The following RPH3AL variants were observed in gnomAD, a reference collection of about 807,000 sequenced individuals.
The protein encoded by RPH3AL is rab effector Noc2.
Under a neutral mutation model 43.1 loss-of-function variants are expected in RPH3AL, and 38 were observed. The ratio of observed to expected loss-of-function variants is 0.88; its 90% CI spans 0.68 to 1.15. The LOEUF (loss-of-function observed/expected upper bound fraction) is 1.15, where lower values mean the gene tolerates loss of function less well. Among genes scored for constraint, RPH3AL ranks in the 50% most tolerant of loss-of-function variants. The pLI, the probability that RPH3AL is intolerant of heterozygous loss-of-function variation, is 0.00. For synonymous variants in RPH3AL, 189 were observed against 176.3 expected, an observed-to-expected ratio of 1.07 and a Z score of -0.57; for missense variants, 462 against 423.2, an observed-to-expected ratio of 1.09 and a Z score of -0.81.
chr17:243,625 T>G (rs1383712001), intron 7 of RPH3AL, among the ~76,000 whole-genome samples: 3 of 142,252 alleles, frequency 2.1e-5, no homozygotes, highest in Non-Finnish European at 4.6e-5. Context: ...CCTTCCTCTA[T>G]TGATTACCCT....
intron 1 of RPH3AL, among the ~76,000 whole-genome samples, chr17:338,168 G>T (rs1437639342): frequency 6.6e-6 from 1 of 152,148 alleles, no homozygotes; most frequent in Non-Finnish European, 1.5e-5. Context: ...GGTGGTGACA[G>T]CAGGGAAACC....
chr17:335,533 G>A (rs1038923809), intron 1 of RPH3AL, among the ~76,000 whole-genome samples: 15 of 152,262 alleles, frequency 9.9e-5, no homozygotes, highest in African/African-American at 3.4e-4. Flanking sequence ...ATAAATGGTG[G>A]TCGTGAGCCC....
In RPH3AL at chr17:304,939, G is replaced by C. The variant is rs1191222690; in HGVS notation, c.351+14481C>G. On this transcript the variant is annotated intron_variant, in intron 5 of 9. Coordinates refer to ENST00000331302, the MANE Select transcript of RPH3AL (RefSeq NM_006987.4). ...CAAGAGAGGCACAGGGCGAGAGGGGGACAGGGCGAGAGGGGGACAGGGCGA... is the reference window on the plus strand; with the variant it reads ...CAAGAGAGGCACAGGGCGAGAGGGGCACAGGGCGAGAGGGGGACAGGGCGA... Among the ~76,000 whole-genome samples the C allele has an allele frequency of 1.5e-4, 11 of 71,142 alleles. 1 individual carries two copies. The highest frequency in any genetic ancestry group is 3.7e-4 in the African/African-American group (8 of 21,586). The allele number at this position is 71,142 out of a possible 152,430, so 46.7% of individuals were successfully genotyped here. A position where few individuals can be genotyped will look rare whatever the true frequency, so the allele number is the denominator to read the frequency against.
chr17:230,277 C>T (rs1309847040), intron 7 of RPH3AL, among the ~76,000 whole-genome samples: 4 of 152,150 alleles, frequency 2.6e-5, no homozygotes, highest in Admixed American at 6.5e-5. Flanking sequence ...ATCCTCAAAT[C>T]GATAGAGATG....
chr17:343,767 C>T (rs1205397884), intron 1 of RPH3AL, among the ~76,000 whole-genome samples: 2 of 152,178 alleles, frequency 1.3e-5, no homozygotes, highest in African/African-American at 4.8e-5. Flanking sequence ...TGCTAAACAT[C>T]CCTGAGGCAC....
At chr17:271,029 G>A (rs1368573497) in intron 6 of RPH3AL, among the ~76,000 whole-genome samples, 1 of 152,192 alleles carries the variant, frequency 6.6e-6, no homozygotes. Context: ...TTATTAAATA[G>A]GGAATCCTTT....
At chr17:292,769 G>A (rs540575422) in intron 5 of RPH3AL, among the ~76,000 whole-genome samples, 38 of 152,264 alleles carry the variant, frequency 2.5e-4, no homozygotes, top group African/African-American at 8.9e-4. Flanking sequence ...AAGTGGGAGG[G>A]GCACAGCCAG....
Position 219,667 on chromosome 17 carries a change from G to A in RPH3AL, c.683C>T (p.Thr228Ile), listed in dbSNP as rs2040907205. 1 of 1,613,540 alleles carries A rather than the reference G, an allele frequency of 6.2e-7. No individual in the cohort carries two copies. The highest frequency in any genetic ancestry group is 1.7e-5 in the Admixed American group (1 of 59,952). The stretch of plus-strand genomic sequence containing the variant: ...GTCGCCTTTCCGGTCCCTGACCCCA[G>A]TGGATGGGAGTCTGTCCTCTAGGCT... ...SSSLEDRLPS[T>I]GVRDRKGDKP... The change falls in exon 8 of 10, where the codon ACT becomes ATT. Residue 228 changes from threonine (T) to isoleucine (I), a missense_variant. Coordinates refer to ENST00000331302, the MANE Select transcript of RPH3AL (RefSeq NM_006987.4).
chr17:249,676 C>CA (rs35942725), intron 6 of RPH3AL, among the ~76,000 whole-genome samples: 15,973 of 90,188 alleles, frequency 0.18, 1,097 homozygotes, highest in Non-Finnish European at 0.22. Flanking sequence ...AGAGTCAAGC[C>CA]AAAAAAAAAA....
intron 2 of RPH3AL, chr17:332,841 A>G (rs1413248139): frequency 9.6e-6 from 4 of 417,832 alleles, no homozygotes. Flanking sequence ...ACACACGCTG[A>G]GCAGAGGCAG....
intron 4 of RPH3AL, 119 bp downstream of exon 4, chr17:321,153 C>T: frequency 1.6e-6 from 2 of 1,282,384 alleles, no homozygotes; most frequent in Non-Finnish European, 1.1e-6. Flanking sequence ...GGGACCTCCT[C>T]ACCCACTCCC....
intron 1 of RPH3AL, among the ~76,000 whole-genome samples, chr17:334,229 C>T (rs1481460748): frequency 6.6e-6 from 1 of 152,246 alleles, no homozygotes; most frequent in Non-Finnish European, 1.5e-5. Flanking sequence ...AGGAGAACCG[C>T]GGCTCGACCC....
Position 281,855 on chromosome 17 carries a change from C to G in RPH3AL, c.352-1G>C. ...CGATCCCACATTTGGTGCAGACTTT[C>G]TACAAGAGAGAGGACATGGGGTTGT... On this transcript the variant is annotated splice_acceptor_variant, in intron 5 of 9. Coordinates refer to ENST00000331302, the MANE Select transcript of RPH3AL (RefSeq NM_006987.4). LOFTEE classifies it high-confidence loss of function. The G allele has an allele frequency of 1.2e-6, 2 of 1,613,382 alleles. No homozygotes were observed.
chr17:315,949 T>C (rs2044129671), intron 5 of RPH3AL, among the ~76,000 whole-genome samples: 2 of 148,702 alleles, frequency 1.3e-5, no homozygotes, highest in Admixed American at 6.6e-5. Context: ...CATTGACCTG[T>C]AGTCCCTGTG....
intron 5 of RPH3AL, among the ~76,000 whole-genome samples, chr17:293,897 T>C (rs146133688): frequency 0.029 from 4,453 of 152,064 alleles, 222 homozygotes; most frequent in African/African-American, 0.1. Context: ...GGCGCGGTGG[T>C]ACTCACCCGG....
chr17:337,057 G>A (rs1255619461), intron 1 of RPH3AL, among the ~76,000 whole-genome samples: 1 of 152,150 alleles, frequency 6.6e-6, no homozygotes, highest in Non-Finnish European at 1.5e-5. Flanking sequence ...CCCCTTCAGG[G>A]GACTAATTTA....
intron 6 of RPH3AL, among the ~76,000 whole-genome samples, chr17:250,911 C>T (rs2041888276): frequency 6.6e-6 from 1 of 152,198 alleles, no homozygotes. Flanking sequence ...GCCATCGCTG[C>T]AGGACCTCTC....
chr17:247,502 TAG>T, intron 6 of RPH3AL: 1 of 519,824 alleles, frequency 1.9e-6, no homozygotes, highest in Non-Finnish European at 3.4e-6. Flanking sequence ...TCCCTTATTT[TAG>T]AGTTGAGGAC....
At chr17:270,792 T>G (rs960256499) in intron 6 of RPH3AL, among the ~76,000 whole-genome samples, 1 of 152,238 alleles carries the variant, frequency 6.6e-6, no homozygotes, top group Non-Finnish European at 1.5e-5. Flanking sequence ...AGATCCCATT[T>G]GTCTATTTTG....
Sources: allele counts gnomAD v4.1 joint callset (sites outside exome capture counted in the v4.1 genomes callset), GRCh38; gene constraint gnomAD v4.1.1; transcripts MANE v1.5; gene names NCBI Gene and HGNC (gene_info 2026-07-23, HGNC 2026-07-21).